Variants in FBN2 observed in about 807,000 individuals in gnomAD.
The protein encoded by FBN2 is fibrillin-2.
In FBN2, 105 loss-of-function variants were observed where a neutral mutation model predicts 355.6. The observed-to-expected ratio is 0.30, with a 90% CI of 0.25 to 0.35. FBN2 has a LOEUF of 0.35. Among genes scored for constraint, FBN2 ranks in the 10% least tolerant of loss-of-function variants. The pLI is 1.00. For synonymous variants in FBN2, 1,350 were observed against 1,301.2 expected (o/e 1.04, Z -0.81); for missense variants, 3,280 against 3,758.7 (o/e 0.87, Z 3.33).
intron 5 of FBN2, among the ~76,000 whole-genome samples, chr5:128,473,604 A>G (rs551441839): frequency 5.9e-5 from 9 of 152,124 alleles, no homozygotes; most frequent in Non-Finnish European, 1.2e-4. Flanking sequence ...CTTCACCCCA[A>G]CACATGGGTT....
chr5:128,518,511 G>A (rs915989098), intron 5 of FBN2, among the ~76,000 whole-genome samples: 1 of 151,986 alleles, frequency 6.6e-6, no homozygotes, highest in African/African-American at 2.4e-5. Context: ...ATCATCTCCT[G>A]CTGCAACGAC....
At chr5:128,310,396 ATATATATTTTT>A (rs1210671141) in intron 39 of FBN2, among the ~76,000 whole-genome samples, 86 of 18,356 alleles carry the variant, frequency 4.7e-3, no homozygotes, top group East Asian at 0.044. Context: ...ATATATATAT[ATATATATTTTT>A]TTTTTTTTTT....
rs1349873664 is a variant in FBN2, at chr5:128,276,025, A to ACT, written c.7594+11_7594+12dup. 1 of 1,613,182 alleles carries ACT rather than the reference A, an allele frequency of 6.2e-7. No homozygotes were observed. ...CAGACTAGGGTCACGATTGTCAGAG[A>ACT]CTCTTCACTCACCTTTGCATGTCTT... is the stretch of plus-strand genomic sequence containing the variant. On this transcript the variant is annotated intron_variant, in intron 59 of 64. Coordinates refer to ENST00000262464, the MANE Select transcript of FBN2 (RefSeq NM_001999.4).
At chr5:128,297,399 C>T (rs1203189192) in intron 48 of FBN2, among the ~76,000 whole-genome samples, 2 of 151,966 alleles carry the variant, frequency 1.3e-5, no homozygotes, top group African/African-American at 2.4e-5. Context: ...GCTTGTTGAC[C>T]TTCTGTCTCG....
At chr5:128,455,118 T>G (rs1413283969) in intron 6 of FBN2, among the ~76,000 whole-genome samples, 3 of 152,142 alleles carry the variant, frequency 2.0e-5, no homozygotes, top group African/African-American at 7.2e-5. Flanking sequence ...TCACTCCTAA[T>G]TAGAGTAGGT....
At chr5:128,308,821 A>G (rs1238212905) in intron 41 of FBN2, among the ~76,000 whole-genome samples, 2 of 152,162 alleles carry the variant, frequency 1.3e-5, no homozygotes, top group Non-Finnish European at 2.9e-5. Context: ...CACTTTTTGC[A>G]TATTTTCCAC....
rs1285970410 is a variant in FBN2, at chr5:128,356,754, CTA to C, written c.2674+520_2674+521del. On this transcript the variant is annotated intron_variant, in intron 20 of 64. Transcript: ENST00000262464. ...TTTAGATGTTTTAGAATAATTTCCCCTAGAGATTTCCAAAAGCAAGAGAACAG... is the reference window on the plus strand; with the variant it reads ...TTTAGATGTTTTAGAATAATTTCCCCGAGATTTCCAAAAGCAAGAGAACAG... 1.1e-4 allele frequency among the ~76,000 whole-genome samples: 16 copies of C among 152,318 alleles called. No individual in the cohort carries two copies. In the East Asian group the frequency reaches 2.5e-3, roughly 24 times the overall value.
At position 128,273,765 on chromosome 5, in the gene FBN2, C is replaced by T. The variant is rs115496876; in HGVS notation, c.7840+75G>A. 1.1e-3 allele frequency: 1,674 copies of T among 1,459,190 alleles called. 19 individuals are homozygous for T. In the African/African-American group the frequency reaches 0.022, roughly 19 times the overall value. 90.4% of individuals were successfully genotyped at this position (1,459,190 alleles called of 1,614,324 possible). On this transcript the variant is annotated intron_variant, in intron 61 of 64. Transcript: ENST00000262464. ...TTTTTTTCTTTTTTTCAGATTATAC[C>T]AATTTGTCTTGGAAGTTAAAAATAT...
At chr5:128,462,996 G>T (rs1019662580) in intron 6 of FBN2, among the ~76,000 whole-genome samples, 1 of 152,010 alleles carries the variant, frequency 6.6e-6, no homozygotes, top group Non-Finnish European at 1.5e-5. Context: ...CTAGTCAAAA[G>T]AGAATTAAAA....
At position 128,395,293 on chromosome 5, in the gene FBN2, G is replaced by C. The variant is rs755042351; in HGVS notation, c.1079-19C>G. ...CTCTGATCTGTGCATGTATAAATAA[G>C]ACAGAAGATATGGCAGAATTACCTC... On this transcript the variant is annotated intron_variant, in intron 8 of 64. Coordinates refer to ENST00000262464, the MANE Select transcript of FBN2 (RefSeq NM_001999.4). 1 of 1,613,820 alleles carries C rather than the reference G, an allele frequency of 6.2e-7. No homozygotes were observed. The highest frequency in any genetic ancestry group is 8.5e-7 in the Non-Finnish European group (1 of 1,179,960).
At position 128,312,653 on chromosome 5, in the gene FBN2, T is replaced by C; in HGVS notation, c.4860A>G (p.Thr1620=). Reference sequence around the variant, plus strand: ...ACTTACTGCTATTGACAGGGGGGCATGTCTCACAGGGGTTTCCCCAGGCCT... The same window carrying C: ...ACTTACTGCTATTGACAGGGGGGCACGTCTCACAGGGGTTTCCCCAGGCCT... The part of the protein sequence containing the change: ...LGKAWGNPCE[T]CPPVNSTEYY... The change falls in exon 37 of 65, where the codon ACA becomes ACG. Residue 1620 remains threonine, a synonymous_variant. Coordinates refer to ENST00000262464, the MANE Select transcript of FBN2 (RefSeq NM_001999.4). 6.2e-7 allele frequency: 1 copy of C among 1,614,128 alleles called. No homozygotes were observed.
At chr5:128,399,356 A>G (rs2126987031) in intron 8 of FBN2, among the ~76,000 whole-genome samples, 1 of 152,354 alleles carries the variant, frequency 6.6e-6, no homozygotes, top group East Asian at 1.9e-4. Context: ...ACAATGAAAT[A>G]ATATCTTAGT....
intron 20 of FBN2, among the ~76,000 whole-genome samples, chr5:128,356,859 T>C (rs1751515744): frequency 6.6e-6 from 1 of 152,182 alleles, no homozygotes; most frequent in Non-Finnish European, 1.5e-5. Flanking sequence ...TCTATGTGTT[T>C]AAAAGCTTCA....
At chr5:128,481,024 T>C (rs1374447273) in intron 5 of FBN2, among the ~76,000 whole-genome samples, 1 of 152,210 alleles carries the variant, frequency 6.6e-6, no homozygotes, top group Non-Finnish European at 1.5e-5. Flanking sequence ...ATATACTTCC[T>C]CACGGAGTTA....
intron 20 of FBN2, 134 bp from the exon 21 acceptor site, chr5:128,351,139 T>G: frequency 9.3e-7 from 1 of 1,072,870 alleles, no homozygotes; most frequent in Non-Finnish European, 1.4e-6. Context: ...TCCCAGCACT[T>G]TGGGAGGCTG....
intron 5 of FBN2, 131 bp downstream of exon 5, chr5:128,519,142 C>A: frequency 1.3e-6 from 1 of 744,100 alleles, no homozygotes. Flanking sequence ...TACCATTCAA[C>A]TTAGAGACAT....
chr5:128,372,400 C>G (rs1186181532), intron 15 of FBN2, among the ~76,000 whole-genome samples: 3 of 152,162 alleles, frequency 2.0e-5, no homozygotes, highest in Non-Finnish European at 4.4e-5. Context: ...AAAAACACAT[C>G]TTAATATCTA....
chr5:128,500,460 T>TTTTTTC (rs1561487039), intron 5 of FBN2, among the ~76,000 whole-genome samples: 5 of 112,100 alleles, frequency 4.5e-5, no homozygotes, highest in Admixed American at 9.3e-5. Context: ...TTTTTTTTTT[T>TTTTTTC]CAGACAGGGT....
chr5:128,459,792 C>G (rs2127077171), intron 6 of FBN2, among the ~76,000 whole-genome samples: 1 of 152,156 alleles, frequency 6.6e-6, no homozygotes, highest in African/African-American at 2.4e-5. Context: ...CTCAGTAAAC[C>G]AGGTATTGAT....
Sources: allele counts gnomAD v4.1 joint callset (sites outside exome capture counted in the v4.1 genomes callset), GRCh38; gene constraint gnomAD v4.1.1; transcripts MANE v1.5; gene names NCBI Gene and HGNC (gene_info 2026-07-23, HGNC 2026-07-21).